MICU1: variants seen among roughly 807,000 people sequenced by gnomAD.
MICU1 encodes mitochondrial calcium uptake 1.
MICU1 carries 45 observed loss-of-function variants against 56.8 expected under a neutral mutation model. The ratio of observed to expected loss-of-function variants is 0.79; its 90% confidence interval spans 0.62 to 1.02. The LOEUF is 1.02. MICU1 is among the 50% of genes least tolerant of loss of function. The pLI, the probability that MICU1 is intolerant of heterozygous loss-of-function variation, is 0.00. For synonymous variants in MICU1, 186 were observed against 195.1 expected (o/e 0.95, Z 0.39); for missense variants, 504 against 587.1 (o/e 0.86, Z 1.46).
At chr10:72,410,964 T>G (rs1360922088) in intron 9 of MICU1, among the ~76,000 whole-genome samples, 1 of 152,194 alleles carries the variant, frequency 6.6e-6, no homozygotes, top group Non-Finnish European at 1.5e-5. Flanking sequence ...GGCAACCCAA[T>G]AGTCTACTGA....
At chr10:72,431,850 TTA>T (rs1864544663) in intron 8 of MICU1, among the ~76,000 whole-genome samples, 1 of 152,186 alleles carries the variant, frequency 6.6e-6, no homozygotes, top group Non-Finnish European at 1.5e-5. Context: ...TATGCATTTC[TTA>T]GTATCCTTAA....
At chr10:72,415,869 A>G (rs1863966609) in intron 9 of MICU1, among the ~76,000 whole-genome samples, 1 of 152,168 alleles carries the variant, frequency 6.6e-6, no homozygotes, top group African/African-American at 2.4e-5. Flanking sequence ...AAAGCTTTGA[A>G]CCCTGGTGCC....
chr10:72,423,962 T>G (rs1864262989), intron 8 of MICU1, among the ~76,000 whole-genome samples: 1 of 152,202 alleles, frequency 6.6e-6, no homozygotes, highest in Non-Finnish European at 1.5e-5. Context: ...AAGAGTGAAT[T>G]TCTCTTTCAG....
At chr10:72,435,385 C>CAAAAAAA (rs34955776) in intron 8 of MICU1, among the ~76,000 whole-genome samples, 53 of 48,080 alleles carry the variant, frequency 1.1e-3, no homozygotes, top group Non-Finnish European at 2.4e-3. Context: ...GACCCTGTTA[C>CAAAAAAA]AAAAAAAAAA....
At chr10:72,428,353 T>C (rs1390691204) in intron 8 of MICU1, among the ~76,000 whole-genome samples, 1 of 152,236 alleles carries the variant, frequency 6.6e-6, no homozygotes, top group African/African-American at 2.4e-5. Context: ...TTTGCTCTTG[T>C]TGCCCAGGAT....
chr10:72,483,885 T>C (rs1269340337), intron 6 of MICU1: 5 of 152,230 alleles, frequency 3.3e-5, no homozygotes, highest in Non-Finnish European at 7.3e-5. Flanking sequence ...AAAAACCACA[T>C]AGACTGTAAT....
intron 5 of MICU1, among the ~76,000 whole-genome samples, chr10:72,527,984 C>A (rs1459125019): frequency 6.6e-6 from 1 of 152,108 alleles, no homozygotes; most frequent in Non-Finnish European, 1.5e-5. Flanking sequence ...CACCACCATA[C>A]CCAGCTAATT....
At chr10:72,415,686 C>T (rs546109818) in intron 9 of MICU1, among the ~76,000 whole-genome samples, 21 of 152,286 alleles carry the variant, frequency 1.4e-4, no homozygotes, top group African/African-American at 4.3e-4. Context: ...GGTCTTCCAC[C>T]ATCTGCTTCC....
At chr10:72,540,138 A>G (rs1839733554) in intron 4 of MICU1, among the ~76,000 whole-genome samples, 1 of 152,010 alleles carries the variant, frequency 6.6e-6, no homozygotes, top group Non-Finnish European at 1.5e-5. Flanking sequence ...ATGGTGGCGC[A>G]TGCCTGTAAT....
chr10:72,526,400 A>G (rs938999903), intron 5 of MICU1, among the ~76,000 whole-genome samples: 3 of 152,064 alleles, frequency 2.0e-5, no homozygotes, highest in Non-Finnish European at 4.4e-5. Context: ...GGTTCAAGTG[A>G]ATCTCCTGCC....
chr10:72,500,302 A>ATAAT (rs1867021751), intron 6 of MICU1, among the ~76,000 whole-genome samples: 1 of 10,680 alleles, frequency 9.4e-5, no homozygotes. Flanking sequence ...ATATATATAT[A>ATAAT]TTTTTTTTTT....
At chr10:72,600,251 C>T (rs1176957864) in intron 1 of MICU1, among the ~76,000 whole-genome samples, 1 of 148,004 alleles carries the variant, frequency 6.8e-6, no homozygotes, top group South Asian at 2.1e-4. Flanking sequence ...AAGACTGTGC[C>T]ATTGCACTCC....
chr10:72,440,700 CAAG>C (rs1284393632), intron 8 of MICU1, among the ~76,000 whole-genome samples: 2 of 152,094 alleles, frequency 1.3e-5, no homozygotes, highest in African/African-American at 4.8e-5. Context: ...AACAAATTTA[CAAG>C]AAGAAAACAA....
intron 4 of MICU1, among the ~76,000 whole-genome samples, chr10:72,542,529 A>G (rs369874205): frequency 6.6e-6 from 1 of 152,326 alleles, no homozygotes; most frequent in East Asian, 1.9e-4. Flanking sequence ...TGCAGGAACC[A>G]GCCAACTGCT....
intron 8 of MICU1, among the ~76,000 whole-genome samples, chr10:72,467,166 TTTTCTGG>T (rs1348564375): frequency 6.6e-6 from 1 of 151,902 alleles, no homozygotes. Context: ...GTCTGACTAA[TTTTCTGG>T]TTTTTTGTTT....
chr10:72,611,234 C>T (rs1318626176), intron 1 of MICU1, among the ~76,000 whole-genome samples: 5 of 150,446 alleles, frequency 3.3e-5, no homozygotes, highest in African/African-American at 1.2e-4. Context: ...ACCCGAGAGG[C>T]GGAGTTTGCA....
At chr10:72,458,142 G>C (rs1315389379) in intron 8 of MICU1, among the ~76,000 whole-genome samples, 1 of 151,152 alleles carries the variant, frequency 6.6e-6, no homozygotes, top group Non-Finnish European at 1.5e-5. Flanking sequence ...CTCCAGCCTG[G>C]GCAACAAGAG....
chr10:72,430,210 T>C (rs766198975), intron 8 of MICU1, among the ~76,000 whole-genome samples: 7 of 152,240 alleles, frequency 4.6e-5, no homozygotes, highest in Admixed American at 1.3e-4. Context: ...GTACTTTTTA[T>C]GAATTTCTGA....
At chr10:72,539,693 C>G (rs1306059228) in intron 4 of MICU1, among the ~76,000 whole-genome samples, 5 of 152,100 alleles carry the variant, frequency 3.3e-5, no homozygotes, top group African/African-American at 4.8e-5. Flanking sequence ...AAAACAAGAA[C>G]AAACTCAACT....
Sources: allele counts gnomAD v4.1 joint callset (sites outside exome capture counted in the v4.1 genomes callset), GRCh38; gene constraint gnomAD v4.1.1; transcripts MANE v1.5; gene names NCBI Gene and HGNC (gene_info 2026-07-23, HGNC 2026-07-21).